Variants in ZNF286A observed in about 807,000 individuals in gnomAD.
ZNF286A encodes zinc finger protein 286A, also known as zinc finger protein ZNF286.
A neutral mutation model predicts 49.3 loss-of-function variants in ZNF286A; 34 were observed. That is an observed-to-expected ratio of 0.69 (90% CI 0.52 to 0.92). ZNF286A has a LOEUF of 0.92. Ranked by LOEUF, ZNF286A falls within the 40% of genes least tolerant of loss-of-function variation. The pLI, the probability that ZNF286A is intolerant of heterozygous loss-of-function variation, is 0.00. For missense variants in ZNF286A, 462 were observed against 600.2 expected, an observed-to-expected ratio of 0.77 and a Z score of 2.41; for synonymous variants, 155 against 200.4, an observed-to-expected ratio of 0.77 and a Z score of 1.91.
In ZNF286A at chr17:15,705,022, C is replaced by T. The variant is rs563177007; in HGVS notation, c.127-1365C>T. The T allele has an allele frequency of 1.1e-3, 670 of 583,510 alleles. No homozygotes were observed. In the African/African-American group the frequency reaches 0.013, roughly 11 times the overall value. The allele number at this position is 583,510 out of a possible 1,614,324, so 36.1% of individuals were successfully genotyped here. ...TGGAGAGGCCCCGGCGGCCCCGCTC[C>T]GCTCCCCGCTGCCTCTGACGTCCGC... is the stretch of plus-strand genomic sequence containing the variant. On this transcript the variant is annotated intron_variant, in intron 3 of 5. Transcript: ENST00000583566.
chr17:15,711,105 G>A (rs900657985), intron 5 of ZNF286A, among the ~76,000 whole-genome samples: 44 of 151,926 alleles, frequency 2.9e-4, no homozygotes, highest in Admixed American at 1.0e-3. Flanking sequence ...GTAGAGATGA[G>A]GTTTCACCGT....
intron 5 of ZNF286A, among the ~76,000 whole-genome samples, chr17:15,710,278 T>G (rs1369984253): frequency 6.7e-6 from 1 of 148,622 alleles, no homozygotes; most frequent in East Asian, 2.0e-4. Flanking sequence ...TAAACATTTT[T>G]AATAACAAAC....
chr17:15,710,764 C>T (rs1233840958), intron 5 of ZNF286A, among the ~76,000 whole-genome samples: 2 of 152,198 alleles, frequency 1.3e-5, no homozygotes, highest in African/African-American at 4.8e-5. Flanking sequence ...CTTACCCACT[C>T]ACCACCCATC....
chr17:15,706,539 A>T lies in ZNF286A; in HGVS notation c.241+38A>T, dbSNP rs755101350. The T allele has an allele frequency of 1.0e-5, 15 of 1,443,326 alleles. No homozygotes were observed. The African/African-American group carries it at 1.7e-4, about 17-fold the overall frequency. The allele number at this position is 1,443,326 out of a possible 1,614,324, so 89.4% of individuals were successfully genotyped here. A position where few individuals can be genotyped will look rare whatever the true frequency, so the allele number is the denominator to read the frequency against. On this transcript the variant is annotated intron_variant, in intron 4 of 5. Coordinates refer to ENST00000583566, the MANE Select transcript of ZNF286A (RefSeq NM_001130842.2). Reference sequence around the variant, plus strand: ...TGTGATTCTGGAATCTGCTTATAGGAGCATCATTACTTTAATGAAAGTGAA... The same window carrying T: ...TGTGATTCTGGAATCTGCTTATAGGTGCATCATTACTTTAATGAAAGTGAA...
chr17:15,706,617 C>A (rs1207989132), intron 4 of ZNF286A, 116 bp downstream of exon 4: 3 of 674,344 alleles, frequency 4.4e-6, no homozygotes, highest in African/African-American at 3.7e-5. Context: ...AGTGTTAATT[C>A]TTTTTGGCCT....
intron 2 of ZNF286A, chr17:15,700,656 T>C (rs1989703739): frequency 4.5e-6 from 2 of 448,980 alleles, no homozygotes; most frequent in Non-Finnish European, 8.4e-6. Flanking sequence ...TTGTTTTACA[T>C]AGGAGAAAAC....
intron 4 of ZNF286A, among the ~76,000 whole-genome samples, chr17:15,707,388 C>T (rs927123843): frequency 2.7e-5 from 4 of 148,614 alleles, no homozygotes; most frequent in African/African-American, 7.5e-5. Context: ...TGCAGTGAGC[C>T]GAGATTGCGC....
In ZNF286A at chr17:15,720,720, C is replaced by T. The variant is rs542877266; in HGVS notation, c.*3430C>T. ...ATGCATTTCAAATGTTTTTGGTTAT[C>T]TGTAAACTAAATGTGCCCTTATTGG... On this transcript the variant is annotated 3_prime_UTR_variant, in exon 6 of 6. Coordinates refer to ENST00000583566, the MANE Select transcript of ZNF286A (RefSeq NM_001130842.2). The T allele has an allele frequency of 2.6e-5, 4 of 151,518 alleles. No homozygotes were observed. Among genetic ancestry groups the T allele is most frequent in the Non-Finnish European group, 4.4e-5 (3 of 67,944 alleles). 9.4% of individuals were successfully genotyped at this position (151,518 alleles called of 1,614,324 possible).
At chr17:15,701,957 C>T (rs1203567273) in intron 3 of ZNF286A, among the ~76,000 whole-genome samples, 1 of 151,850 alleles carries the variant, frequency 6.6e-6, no homozygotes, top group Non-Finnish European at 1.5e-5. Context: ...CCCGTCTCTA[C>T]TAAAAACACA....
At chr17:15,703,223 A>G (rs1344873185) in intron 3 of ZNF286A, among the ~76,000 whole-genome samples, 1 of 152,104 alleles carries the variant, frequency 6.6e-6, no homozygotes, top group Non-Finnish European at 1.5e-5. Context: ...GTGGCCAGGC[A>G]TAGTAGCTAG....
chr17:15,703,670 C>G (rs991497098), intron 3 of ZNF286A, among the ~76,000 whole-genome samples: 17 of 152,096 alleles, frequency 1.1e-4, no homozygotes, highest in African/African-American at 3.9e-4. Context: ...AGTACCCAAC[C>G]CAGCAATAAT....
chr17:15,713,179 C>A (rs1256982804), intron 5 of ZNF286A, among the ~76,000 whole-genome samples: 1 of 151,890 alleles, frequency 6.6e-6, no homozygotes, highest in African/African-American at 2.4e-5. Flanking sequence ...TTGATTGAGC[C>A]CAGGAGTTAG....
chr17:15,699,771 A>G lies in ZNF286A; in HGVS notation c.-202A>G. ...GTTCGTCCCCTTTGTGAGGCCCGGG[A>G]TGGGAGGTGAGTTGCTTGTGGTGAT... On this transcript the variant is annotated 5_prime_UTR_variant, in exon 1 of 6. It removes an upstream start codon present in the reference 5' UTR. Transcript: ENST00000583566. The G allele has an allele frequency of 1.4e-6, 1 of 702,750 alleles. No homozygotes were observed. The highest frequency in any genetic ancestry group is 2.0e-5 in the Admixed American group (1 of 50,008). 43.5% of individuals were successfully genotyped at this position (702,750 alleles called of 1,614,324 possible).
Position 15,719,807 on chromosome 17 carries a change from C to A in ZNF286A, c.*2517C>A, listed in dbSNP as rs576289626. ...TTCTTGGCCCCTGTTCCAGAGCATTCATCAAGTCAGATAAAGGGTTTAAAC... is the reference window on the plus strand; with the variant it reads ...TTCTTGGCCCCTGTTCCAGAGCATTAATCAAGTCAGATAAAGGGTTTAAAC... On this transcript the variant is annotated 3_prime_UTR_variant, in exon 6 of 6. Transcript: ENST00000583566. 3.4e-4 allele frequency: 52 copies of A among 152,236 alleles called. No individual in the cohort carries two copies. Among genetic ancestry groups the A allele is most frequent in the Admixed American group, 2.1e-3 (32 of 15,278 alleles). 9.4% of individuals were successfully genotyped at this position (152,236 alleles called of 1,614,324 possible).
intron 5 of ZNF286A, chr17:15,709,753 A>G (rs561458384): frequency 2.8e-6 from 4 of 1,452,374 alleles, no homozygotes; most frequent in African/African-American, 1.4e-5. Flanking sequence ...ATTCATTTTA[A>G]CTACTGTGGA....
intron 3 of ZNF286A, among the ~76,000 whole-genome samples, chr17:15,705,466 A>G (rs1487155919): frequency 6.6e-6 from 1 of 152,174 alleles, no homozygotes; most frequent in Non-Finnish European, 1.5e-5. Flanking sequence ...TAAAGCTACA[A>G]AATTTCCTCT....
chr17:15,715,700 C>T (rs1013620665), intron 5 of ZNF286A, among the ~76,000 whole-genome samples: 5 of 152,044 alleles, frequency 3.3e-5, no homozygotes, highest in Non-Finnish European at 5.9e-5. Context: ...TGGTTATGTG[C>T]CTAGAAATTT....
chr17:15,714,123 A>G (rs1053918167), intron 5 of ZNF286A, among the ~76,000 whole-genome samples: 2 of 151,946 alleles, frequency 1.3e-5, no homozygotes, highest in Non-Finnish European at 2.9e-5. Context: ...CACTTCAAGG[A>G]TTAAAATTCA....
At chr17:15,703,257 A>G (rs1173681041) in intron 3 of ZNF286A, among the ~76,000 whole-genome samples, 1 of 151,240 alleles carries the variant, frequency 6.6e-6, no homozygotes, top group South Asian at 2.1e-4. Flanking sequence ...CACTGGTACC[A>G]GAAGCGTGAA....
Sources: allele counts gnomAD v4.1 joint callset (sites outside exome capture counted in the v4.1 genomes callset), GRCh38; gene constraint gnomAD v4.1.1; transcripts MANE v1.5; gene names NCBI Gene and HGNC (gene_info 2026-07-23, HGNC 2026-07-21).